Variants in STXBP5 observed in about 807,000 individuals in gnomAD.
STXBP5 encodes the protein syntaxin binding protein 5, also known as syntaxin-binding protein 5.
STXBP5 carries 50 observed loss-of-function variants against 152.4 expected under a neutral mutation model. That is an observed-to-expected ratio of 0.33 (90% confidence interval 0.26 to 0.42). STXBP5 has a LOEUF of 0.42. Ranked by LOEUF, STXBP5 falls within the 10% of genes least tolerant of loss-of-function variation. The pLI is 1.00. For missense variants in STXBP5, 1,167 were observed against 1,388.6 expected (o/e 0.84, Z 2.54); for synonymous variants, 492 against 494.7 (o/e 0.99, Z 0.07).
intron 19 of STXBP5, 120 bp downstream of exon 19, chr6:147,334,342 G>A (rs1184592252): frequency 1.2e-5 from 9 of 774,252 alleles, no homozygotes; most frequent in Non-Finnish European, 1.6e-5. Context: ...TTTGTGTCAC[G>A]TATTTAGTCT....
At chr6:147,298,798 T>C (rs934538228) in intron 9 of STXBP5, among the ~76,000 whole-genome samples, 2 of 151,972 alleles carry the variant, frequency 1.3e-5, no homozygotes, top group East Asian at 3.9e-4. Flanking sequence ...GAAAACACAA[T>C]ATACTGAGGC....
chr6:147,267,647 TG>T (rs1463116779), intron 7 of STXBP5, among the ~76,000 whole-genome samples: 2 of 152,280 alleles, frequency 1.3e-5, no homozygotes, highest in East Asian at 3.9e-4. Flanking sequence ...TGGCTTTTTC[TG>T]GCTGCATCCC....
intron 3 of STXBP5, among the ~76,000 whole-genome samples, chr6:147,236,320 T>A (rs541464905): frequency 2.6e-5 from 4 of 152,310 alleles, no homozygotes; most frequent in East Asian, 1.9e-4. Flanking sequence ...AAATTTTTTT[T>A]AATTAAAATG....
intron 16 of STXBP5, among the ~76,000 whole-genome samples, chr6:147,316,846 T>A (rs533317130): frequency 6.6e-6 from 1 of 152,226 alleles, no homozygotes; most frequent in Non-Finnish European, 1.5e-5. Context: ...GTATCTTTAT[T>A]TAAAACGTTT....
chr6:147,345,768 G>A (rs1442084340), intron 21 of STXBP5, among the ~76,000 whole-genome samples: 2 of 152,124 alleles, frequency 1.3e-5, no homozygotes, highest in Non-Finnish European at 2.9e-5. Context: ...AAACTAAAGG[G>A]AAATTACAAA....
intron 25 of STXBP5, among the ~76,000 whole-genome samples, chr6:147,370,440 C>T (rs1785487568): frequency 6.6e-6 from 1 of 152,016 alleles, no homozygotes; most frequent in South Asian, 2.1e-4. Context: ...TTAATGGATT[C>T]AGGACTTTTA....
At chr6:147,354,365 A>G (rs558018305) in intron 22 of STXBP5, among the ~76,000 whole-genome samples, 28 of 152,300 alleles carry the variant, frequency 1.8e-4, no homozygotes, top group Non-Finnish European at 1.5e-4. Context: ...AGGAAAAACA[A>G]CTTAGTAGAA....
intron 9 of STXBP5, among the ~76,000 whole-genome samples, chr6:147,302,227 C>T (rs528909681): frequency 5.9e-5 from 9 of 151,676 alleles, no homozygotes; most frequent in East Asian, 1.9e-4. Flanking sequence ...CTGCCAGTTC[C>T]GAACCCTTTA....
intron 3 of STXBP5, among the ~76,000 whole-genome samples, chr6:147,237,428 C>G (rs1778333489): frequency 6.6e-6 from 1 of 152,092 alleles, no homozygotes. Context: ...AAGAAGACAG[C>G]TATTATTGCT....
At position 147,310,332 on chromosome 6, in the gene STXBP5, T is replaced by C. The variant is rs1200290342; in HGVS notation, c.1072+94T>C. On this transcript the variant is annotated intron_variant, in intron 10 of 27. Coordinates refer to ENST00000321680, the MANE Select transcript of STXBP5 (RefSeq NM_001127715.4). ...GTTGTTTAGATAAAACTACTCATCC[T>C]ATTGTGCTAATTCTTCTGGAGAAGA... 3 of 1,001,482 alleles carry C rather than the reference T, an allele frequency of 3.0e-6. No homozygotes were observed. In the African/African-American group the frequency reaches 5.0e-5, roughly 17 times the overall value. 62.0% of individuals were successfully genotyped at this position (1,001,482 alleles called of 1,614,324 possible). A position where few individuals can be genotyped will look rare whatever the true frequency, so the allele number is the denominator to read the frequency against.
At chr6:147,275,262 C>G (rs945508761) in intron 7 of STXBP5, among the ~76,000 whole-genome samples, 3 of 151,966 alleles carry the variant, frequency 2.0e-5, no homozygotes, top group African/African-American at 7.2e-5. Context: ...CCTTCATGAA[C>G]CTTCTCATAG....
At chr6:147,380,783 A>C (rs1425537944) in intron 26 of STXBP5, among the ~76,000 whole-genome samples, 1 of 152,198 alleles carries the variant, frequency 6.6e-6, no homozygotes. Context: ...GATTACGTCT[A>C]GTGTCCAGAA....
At chr6:147,350,636 G>A (rs1007350862) in intron 21 of STXBP5, among the ~76,000 whole-genome samples, 1 of 151,954 alleles carries the variant, frequency 6.6e-6, no homozygotes, top group Non-Finnish European at 1.5e-5. Context: ...TTTTTTTATG[G>A]TTTTGTTTTA....
intron 2 of STXBP5, among the ~76,000 whole-genome samples, chr6:147,232,028 G>A (rs1296736562): frequency 6.6e-6 from 1 of 151,798 alleles, no homozygotes; most frequent in Non-Finnish European, 1.5e-5. Context: ...AATAATAATG[G>A]ATACCATTTG....
At chr6:147,329,509 G>A (rs1783444536) in intron 18 of STXBP5, among the ~76,000 whole-genome samples, 2 of 148,418 alleles carry the variant, frequency 1.3e-5, no homozygotes, top group Non-Finnish European at 3.0e-5. Context: ...TAGAATGATT[G>A]GTATAAAAAT....
At chr6:147,238,712 G>A (rs985254590) in intron 3 of STXBP5, among the ~76,000 whole-genome samples, 14 of 152,146 alleles carry the variant, frequency 9.2e-5, no homozygotes, top group Admixed American at 2.6e-4. Context: ...TTTATTTTCC[G>A]TACCATTCTA....
chr6:147,273,685 C>T (rs946570131), intron 7 of STXBP5, among the ~76,000 whole-genome samples: 14 of 152,286 alleles, frequency 9.2e-5, no homozygotes, highest in African/African-American at 1.9e-4. Context: ...GGCGTGGTGG[C>T]TCACGCCTGT....
chr6:147,235,192 T>G, intron 2 of STXBP5, 58 bp from the exon 3 acceptor site: 1 of 1,438,942 alleles, frequency 6.9e-7, no homozygotes, highest in Admixed American at 1.7e-5. Context: ...ATTATATAAC[T>G]TACCAGTTTC....
At chr6:147,369,936 TTAAAA>T (rs1391546564) in intron 25 of STXBP5, among the ~76,000 whole-genome samples, 2 of 151,878 alleles carry the variant, frequency 1.3e-5, no homozygotes, top group East Asian at 1.9e-4. Flanking sequence ...TTTTTTTAAA[TTAAAA>T]GAAAAGGAAA....
Sources: gnomAD v4.1 joint callset for allele counts (sites outside exome capture counted in the v4.1 genomes callset) on GRCh38, gnomAD v4.1.1 for gene constraint, MANE v1.5 for transcripts, NCBI Gene and HGNC (gene_info 2026-07-23, HGNC 2026-07-21) for gene names.